Variants in ZNF624 observed in about 807,000 individuals in gnomAD.
ZNF624 encodes the protein zinc finger protein 624.
A neutral mutation model predicts 74.7 loss-of-function variants in ZNF624; 43 were observed. The ratio of observed to expected loss-of-function variants is 0.58; its 90% CI spans 0.45 to 0.74. The LOEUF (loss-of-function observed/expected upper bound fraction) is 0.74. Ranked by LOEUF, ZNF624 falls within the 30% of genes least tolerant of loss-of-function variation. The pLI, the probability that ZNF624 is intolerant of heterozygous loss-of-function variation, is 0.00. For synonymous variants in ZNF624, 331 were observed against 341.3 expected (o/e 0.97, Z 0.33); for missense variants, 820 against 1,030.0 (o/e 0.80, Z 2.79).
chr17:16,649,799 C>T, intron 1 of ZNF624, 53 bp from the exon 2 acceptor site: 1 of 1,468,168 alleles, frequency 6.8e-7, no homozygotes, highest in South Asian at 1.1e-5. Context: ...GAATTTCAGA[C>T]TCACCAAGTT....
intron 1 of ZNF624, among the ~76,000 whole-genome samples, chr17:16,653,001 G>C (rs1909763641): frequency 6.6e-6 from 1 of 152,198 alleles, no homozygotes; most frequent in East Asian, 1.9e-4. Flanking sequence ...TACAAGCTCT[G>C]TCTTTCCAAC....
intron 2 of ZNF624, among the ~76,000 whole-genome samples, chr17:16,648,769 C>T (rs975618861): frequency 2.0e-5 from 3 of 152,156 alleles, no homozygotes; most frequent in Admixed American, 6.5e-5. Flanking sequence ...CACACACACA[C>T]ATTTAAATGT....
In ZNF624 at chr17:16,623,298, A is replaced by G; in HGVS notation, c.1588T>C (p.Cys530Arg). ...ATGAATGCTTTCCCACATTCATTAC[A>G]TTTATAGGGTTTTTCTCCTGTGTGA... is the stretch of plus-strand genomic sequence containing the variant. ...RIHTGEKPYKCNECGKAFINY... is the reference protein window; with the variant it reads ...RIHTGEKPYKRNECGKAFINY... Residue 530 changes from cysteine to arginine, a missense_variant, in exon 6 of 6, where the codon TGT becomes CGT. By Grantham distance (180) the Cys-to-Arg change is radical. Transcript: ENST00000311331. The surrounding 1 kb of genome is among the most constrained non-coding windows in gnomAD (Gnocchi z 5.3). The G allele has an allele frequency of 6.2e-7, 1 of 1,613,920 alleles. No individual in the cohort carries two copies. The highest frequency in any genetic ancestry group is 8.5e-7 in the Non-Finnish European group (1 of 1,179,854).
the ZNF624 span, among the ~76,000 whole-genome samples, chr17:16,615,025 G>A: frequency 6.6e-6 from 1 of 152,170 alleles, no homozygotes; most frequent in African/African-American, 2.4e-5. Flanking sequence ...ACAGAAAATA[G>A]GATGGTGGTT....
chr17:16,623,428 G>A lies in ZNF624; in HGVS notation c.1458C>T (p.Ser486=), dbSNP rs1344694765. ...TGTGAGTTCTTATATGTACGATAAG[G>A]CTTGAATTACTTCTATAGGCTTTTC... ...ECGKAYRSNS[S]LIVHIRTHTG... is the part of the protein sequence containing the mutation. Residue 486 remains serine, a synonymous_variant, in exon 6 of 6, where the codon AGC becomes AGT. Coordinates refer to ENST00000311331, the MANE Select transcript of ZNF624 (RefSeq NM_020787.4). The surrounding 1 kb of genome is among the most constrained non-coding windows in gnomAD (Gnocchi z 5.3). 2 of 1,613,786 alleles carry A rather than the reference G, an allele frequency of 1.2e-6. No individual in the cohort carries two copies. The highest frequency in any genetic ancestry group is 1.3e-5 in the African/African-American group (1 of 74,954).
chr17:16,625,026 G>C (rs1164331361), intron 5 of ZNF624, among the ~76,000 whole-genome samples: 1 of 133,526 alleles, frequency 7.5e-6, no homozygotes, highest in African/African-American at 3.2e-5. Context: ...GACAGAGCAC[G>C]ACTGTCTCAA....
At chr17:16,626,416 T>A (rs1909073300) in intron 5 of ZNF624, among the ~76,000 whole-genome samples, 1 of 151,590 alleles carries the variant, frequency 6.6e-6, no homozygotes, top group African/African-American at 2.4e-5. Flanking sequence ...CATAGGATAT[T>A]ATATTGCCAG....
intron 5 of ZNF624, among the ~76,000 whole-genome samples, chr17:16,626,257 A>T (rs1010027567): frequency 3.3e-5 from 5 of 152,140 alleles, no homozygotes; most frequent in Admixed American, 1.3e-4. Context: ...AGCCAATTTT[A>T]TGATTTTAAA....
chr17:16,645,674 G>T (rs1055474224), intron 3 of ZNF624, among the ~76,000 whole-genome samples: 1 of 150,318 alleles, frequency 6.7e-6, no homozygotes, highest in African/African-American at 2.4e-5. Context: ...AATGTCAGCC[G>T]GGCGCAGTGG....
At chr17:16,641,755 C>T (rs1909472469) in intron 3 of ZNF624, among the ~76,000 whole-genome samples, 1 of 152,182 alleles carries the variant, frequency 6.6e-6, no homozygotes, top group Non-Finnish European at 1.5e-5. Flanking sequence ...CCTAATAAAT[C>T]CACATATACA....
chr17:16,638,493 AAAAT>A (rs1196292983), intron 3 of ZNF624, among the ~76,000 whole-genome samples: 3 of 152,234 alleles, frequency 2.0e-5, no homozygotes, highest in African/African-American at 7.2e-5. Context: ...CTGGATTAAG[AAAAT>A]GTGGCACATA....
In ZNF624 at chr17:16,635,398, A is replaced by G. The variant is rs535194253; in HGVS notation, c.154-642T>C. The stretch of plus-strand genomic sequence containing the variant: ...GAAAAGAGGGAGTAGAGCGGACTGG[A>G]ATGACAGCTAGACTCCTTTGAATAT... On this transcript the variant is annotated intron_variant, in intron 3 of 5. Transcript: ENST00000311331. Among the ~76,000 whole-genome samples, 151 of 152,300 alleles carry G rather than the reference A, an allele frequency of 9.9e-4. 1 individual carries two copies. The highest frequency in any genetic ancestry group is 3.6e-3 in the African/African-American group (150 of 41,578).
At chr17:16,617,860 G>A, downstream of ZNF624, 1 of 1,609,180 alleles carries the variant, frequency 6.2e-7, no homozygotes, top group East Asian at 2.2e-5. Flanking sequence ...TAGCTTAGGC[G>A]TCCTATGTAG....
chr17:16,622,379 T>C lies in ZNF624; in HGVS notation c.2507A>G (p.Tyr836Cys). 4 of 1,613,850 alleles carry C rather than the reference T, an allele frequency of 2.5e-6. No individual in the cohort carries two copies. Among genetic ancestry groups the C allele is most frequent in the Non-Finnish European group, 3.4e-6 (4 of 1,179,872 alleles). Residue 836 changes from tyrosine to cysteine, a missense_variant, in exon 6 of 6, where the codon TAT becomes TGT. Coordinates refer to ENST00000311331, the MANE Select transcript of ZNF624 (RefSeq NM_020787.4). ...GGCTTTTCCACATTCATTACATTTA[T>C]AGGGTTTTTCTCCAGTATGCATCCT... is the stretch of plus-strand genomic sequence containing the variant. ...HLRMHTGEKP[Y>C]KCNECGKAFR... is the part of the protein sequence containing the mutation.
chr17:16,627,827 G>A (rs1337029686), intron 5 of ZNF624, among the ~76,000 whole-genome samples: 1 of 152,194 alleles, frequency 6.6e-6, no homozygotes, highest in Non-Finnish European at 1.5e-5. Context: ...AATGAAGATT[G>A]TTATAGTCCC....
intron 5 of ZNF624, among the ~76,000 whole-genome samples, chr17:16,626,361 T>C (rs9904901): frequency 0.23 from 34,780 of 152,122 alleles, 4,400 homozygotes; most frequent in East Asian, 0.35. Context: ...TATCATTCTT[T>C]TACTTTTAAA....
intron 3 of ZNF624, among the ~76,000 whole-genome samples, chr17:16,637,444 T>C (rs1328513860): frequency 6.6e-6 from 1 of 152,210 alleles, no homozygotes; most frequent in Non-Finnish European, 1.5e-5. Flanking sequence ...GCTGGAGGCA[T>C]CGCGCTACCT....
At chr17:16,616,149 T>A (rs545166598), downstream of ZNF624, among the ~76,000 whole-genome samples, 73 of 151,560 alleles carry the variant, frequency 4.8e-4, no homozygotes, top group Middle Eastern at 3.4e-3. Context: ...TTTTTTTTTT[T>A]TAAATACCTT....
In ZNF624 at chr17:16,633,944, G is replaced by A; in HGVS notation, c.294C>T (p.Ser98=). Residue 98 remains serine (S), a synonymous_variant, in exon 5 of 6, where the codon TCC becomes TCT. Transcript: ENST00000311331. ...RNLVSLGLAV[S]KPDMISHLEN... is the part of the protein sequence containing the mutation. ...CCAAATGAGATATCATGTCTGGTTT[G>A]GAAACTGCAAGCCCTGTCCAGAGAA... The A allele has an allele frequency of 1.9e-6, 3 of 1,613,166 alleles. No homozygotes were observed. Among genetic ancestry groups the A allele is most frequent in the Non-Finnish European group, 2.5e-6 (3 of 1,179,542 alleles).
Sources: gnomAD v4.1 joint callset for allele counts (sites outside exome capture counted in the v4.1 genomes callset) on GRCh38, gnomAD v4.1.1 for gene constraint, Gnocchi (gnomAD v3.1) non-coding constraint, MANE v1.5 for transcripts, NCBI Gene and HGNC (gene_info 2026-07-23, HGNC 2026-07-21) for gene names.